The following SMURF1 variants were observed in gnomAD, a reference collection of about 807,000 sequenced individuals.
SMURF1 encodes SMAD specific E3 ubiquitin protein ligase 1.
A neutral mutation model predicts 98.0 loss-of-function variants in SMURF1; 44 were observed. That is an observed-to-expected ratio of 0.45 (90% CI 0.35 to 0.58). SMURF1 has a LOEUF of 0.58. Ranked by LOEUF, SMURF1 falls within the 20% of genes least tolerant of loss-of-function variation. The pLI, the probability that SMURF1 is intolerant of heterozygous loss-of-function variation, is 0.00. For synonymous variants in SMURF1, 396 were observed against 374.9 expected, an observed-to-expected ratio of 1.06 and a Z score of -0.65; for missense variants, 687 against 938.4, an observed-to-expected ratio of 0.73 and a Z score of 3.50.
intron 14 of SMURF1, 27 bp from the exon 15 acceptor site, chr7:99,037,214 G>C: frequency 6.2e-7 from 1 of 1,613,508 alleles, no homozygotes; most frequent in African/African-American, 1.3e-5. Context: ...CAAGTTGGAT[G>C]CAACACCAAG....
At chr7:99,141,515 C>T (rs1584225552) in intron 1 of SMURF1, among the ~76,000 whole-genome samples, 1 of 152,182 alleles carries the variant, frequency 6.6e-6, no homozygotes, top group Admixed American at 6.5e-5. Flanking sequence ...AATGTATCTA[C>T]ATTGTATCTA....
Position 99,042,133 on chromosome 7 carries a change from A to T in SMURF1, c.1356T>A (p.Asp452Glu). 1 of 1,613,464 alleles carries T rather than the reference A, an allele frequency of 6.2e-7. No individual in the cohort carries two copies. The highest frequency in any genetic ancestry group is 8.5e-7 in the Non-Finnish European group (1 of 1,179,512). Reference sequence around the variant, plus strand: ...TCATACTTACGGGGTTGATTGAAGAATCCGGATTTATTTGCAACATGTAAA... The same window carrying T: ...TCATACTTACGGGGTTGATTGAAGATTCCGGATTTATTTGCAACATGTAAA... ...DNIYMLQINP[D>E]SSINPDHLSY... Residue 452 changes from aspartate (D) to glutamate (E), a missense_variant, in exon 12 of 18, where the codon GAT becomes GAA. Coordinates refer to ENST00000361368, the MANE Select transcript of SMURF1 (RefSeq NM_181349.3).
At chr7:99,142,624 G>A (rs1009235863) in intron 1 of SMURF1, among the ~76,000 whole-genome samples, 1 of 135,208 alleles carries the variant, frequency 7.4e-6, no homozygotes, top group African/African-American at 2.8e-5. Flanking sequence ...GGGAAGAAGG[G>A]AGGAGGACGG....
chr7:99,063,283 A>ATATAAGATTTT (rs1796105918), intron 1 of SMURF1, among the ~76,000 whole-genome samples: 1 of 17,348 alleles, frequency 5.8e-5, no homozygotes, highest in Non-Finnish European at 1.5e-4. Context: ...ATATATATAT[A>ATATAAGATTTT]TATATATATA....
In SMURF1 at chr7:99,042,708, T is replaced by G. The variant is rs1584452390; in HGVS notation, c.1257-476A>C. 2.0e-5 allele frequency among the ~76,000 whole-genome samples: 3 copies of G among 152,230 alleles called. No homozygotes were observed. The South Asian group carries it at 6.2e-4, about 32-fold the overall frequency. ...GTATGGTTCAGTGGCTACACTCAGG[T>G]TGCATTAAGCCCAGCCCTTAGACAA... On this transcript the variant is annotated intron_variant, in intron 11 of 17. Coordinates refer to ENST00000361368, the MANE Select transcript of SMURF1 (RefSeq NM_181349.3).
intron 1 of SMURF1, among the ~76,000 whole-genome samples, chr7:99,063,733 TTAAAC>T (rs1268445699): frequency 6.6e-6 from 1 of 151,972 alleles, no homozygotes; most frequent in Admixed American, 6.6e-5. Context: ...CATACCCAGT[TTAAAC>T]TAACAATCTT....
chr7:99,139,712 A>G (rs531195818), intron 1 of SMURF1, among the ~76,000 whole-genome samples: 2 of 152,330 alleles, frequency 1.3e-5, no homozygotes, highest in East Asian at 3.9e-4. Context: ...TTCTGGATAT[A>G]TTATGCCCCT....
At chr7:99,077,246 A>G (rs1215451820) in intron 1 of SMURF1, among the ~76,000 whole-genome samples, 3 of 151,886 alleles carry the variant, frequency 2.0e-5, no homozygotes, top group Non-Finnish European at 4.4e-5. Flanking sequence ...CTTACTTTTT[A>G]TATTAAAATA....
chr7:99,139,027 T>C (rs910714399), intron 1 of SMURF1, among the ~76,000 whole-genome samples: 1 of 152,236 alleles, frequency 6.6e-6, no homozygotes, highest in African/African-American at 2.4e-5. Context: ...AACTGTGTTA[T>C]ATGGTTTTTG....
At position 99,054,790 on chromosome 7, in the gene SMURF1, C is replaced by G. The variant is rs201880269; in HGVS notation, c.479G>C (p.Gly160Ala). The G allele has an allele frequency of 7.4e-6, 12 of 1,613,820 alleles. No homozygotes were observed. The East Asian group carries it at 1.6e-4, about 21-fold the overall frequency. Reference protein sequence around the residue: ...VDCRGLLENEGTVYEDSGPGR... With the variant: ...VDCRGLLENEATVYEDSGPGR... The stretch of plus-strand genomic sequence containing the variant: ...CGCCTCTTGCTGTGGTTATACGTAC[C>G]CTTCATTTTCTAACAGTCCTCTGCA... Residue 160 changes from glycine to alanine, a missense_variant and splice_region_variant, in exon 6 of 18, where the codon GGA (glycine) becomes GCA (alanine). By Grantham distance (60) the Gly-to-Ala change is moderately conservative (BLOSUM62 0). Coordinates refer to ENST00000361368, the MANE Select transcript of SMURF1 (RefSeq NM_181349.3).
chr7:99,083,075 G>A (rs1796604460), intron 1 of SMURF1, among the ~76,000 whole-genome samples: 1 of 152,050 alleles, frequency 6.6e-6, no homozygotes, highest in Admixed American at 6.6e-5. Context: ...AAGGGGACCT[G>A]GGCATAACAG....
intron 1 of SMURF1, among the ~76,000 whole-genome samples, chr7:99,073,672 A>T (rs1182915470): frequency 6.6e-6 from 1 of 151,956 alleles, no homozygotes; most frequent in East Asian, 1.9e-4. Context: ...AGGCTAAGGC[A>T]GGACAATCGC....
At chr7:99,096,749 G>A (rs1796963779) in intron 1 of SMURF1, among the ~76,000 whole-genome samples, 1 of 152,210 alleles carries the variant, frequency 6.6e-6, no homozygotes, top group Non-Finnish European at 1.5e-5. Context: ...GACAGAGCTA[G>A]TAGACAGAGT....
intron 1 of SMURF1, among the ~76,000 whole-genome samples, chr7:99,126,974 C>CA (rs77431146): frequency 0.98 from 149,352 of 152,316 alleles, 73,281 homozygotes; most frequent in East Asian, 1. Context: ...GAGCAGGGGC[C>CA]GGGGGGAAGG....
At position 99,030,565 on chromosome 7, in the gene SMURF1, TGTTGCCTTTG is replaced by T; in HGVS notation, c.*9_*18del. On this transcript the variant is annotated 3_prime_UTR_variant, in exon 18 of 18. Coordinates refer to ENST00000361368, the MANE Select transcript of SMURF1 (RefSeq NM_181349.3). ...GGTCTGGTGGCCATGAGCTAGACTC[TGTTGCCTTTG>T]GTTGCTTTTCACTCCACAGCAAACC... 6.2e-7 allele frequency: 1 copy of T among 1,611,280 alleles called. No homozygotes were observed. The highest frequency in any genetic ancestry group is 8.5e-7 in the Non-Finnish European group (1 of 1,177,466).
chr7:99,040,306 C>T (rs935157158), intron 13 of SMURF1, 72 bp downstream of exon 13: 74 of 1,334,230 alleles, frequency 5.5e-5, no homozygotes, highest in South Asian at 5.3e-4. Context: ...CGCGCGCGCG[C>T]GCACGCGCAT....
intron 6 of SMURF1, among the ~76,000 whole-genome samples, chr7:99,054,135 C>T (rs576727672): frequency 6.6e-6 from 1 of 151,996 alleles, no homozygotes; most frequent in Non-Finnish European, 1.5e-5. Context: ...GACAAAGTCT[C>T]GCTATGTTGC....
chr7:99,050,755 A>G, intron 8 of SMURF1: 1 of 585,844 alleles, frequency 1.7e-6, no homozygotes, highest in Non-Finnish European at 3.0e-6. Context: ...GGAAAATCAG[A>G]CAGGAAGTTT....
chr7:99,143,954 G>A lies in SMURF1; in HGVS notation c.-174C>T, dbSNP rs986945333. 4 of 462,892 alleles carry A rather than the reference G, an allele frequency of 8.6e-6. No homozygotes were observed. The highest frequency in any genetic ancestry group is 1.4e-5 in the Non-Finnish European group (4 of 277,262). The allele number at this position is 462,892 out of a possible 1,614,324, so 28.7% of individuals were successfully genotyped here. ...CGGGCGGCAGGCGGATGGTCGAGCC[G>A]GGAGATCGGCGCTTGCTGCGGCGCT... On this transcript the variant is annotated 5_prime_UTR_variant, in exon 1 of 18. Transcript: ENST00000361368.
Sources: allele counts gnomAD v4.1 joint callset (sites outside exome capture counted in the v4.1 genomes callset), GRCh38; gene constraint gnomAD v4.1.1; transcripts MANE v1.5; gene names NCBI Gene and HGNC (gene_info 2026-07-23, HGNC 2026-07-21).